PRMT9: variants seen among roughly 807,000 people sequenced by gnomAD.
PRMT9 encodes protein arginine N-methyltransferase 9.
A neutral mutation model predicts 83.2 loss-of-function variants in PRMT9; 59 were observed. The ratio of observed to expected loss-of-function variants is 0.71; its 90% CI spans 0.57 to 0.88. The LOEUF is 0.88. Ranked by LOEUF, PRMT9 falls within the 40% of genes least tolerant of loss-of-function variation. The pLI, the probability that PRMT9 is intolerant of heterozygous loss-of-function variation, is 0.00. For missense variants in PRMT9, 947 were observed against 1,021.9 expected, an observed-to-expected ratio of 0.93 and a Z score of 1.00; for synonymous variants, 333 against 353.2, an observed-to-expected ratio of 0.94 and a Z score of 0.64.
Position 147,684,103 on chromosome 4 carries a change from T to C in PRMT9, c.-116A>G, listed in dbSNP as rs116658976. The C allele has an allele frequency of 1.4e-3, 1,723 of 1,206,482 alleles. 14 individuals are homozygous for C. The African/African-American group carries it at 0.022, about 16-fold the overall frequency. The allele number at this position is 1,206,482 out of a possible 1,614,324, so 74.7% of individuals were successfully genotyped here. A position where few individuals can be genotyped will look rare whatever the true frequency, so the allele number is the denominator to read the frequency against. On this transcript the variant is annotated 5_prime_UTR_variant, in exon 1 of 12. Coordinates refer to ENST00000322396, the MANE Select transcript of PRMT9 (RefSeq NM_138364.4). ...CTGCTCAAAAAACAGCACAGCAAAG[T>C]TACCCTCCGCCGCGGGTGAACTCGC...
At chr4:147,673,355 A>G (rs1368865634) in intron 3 of PRMT9, among the ~76,000 whole-genome samples, 1 of 152,218 alleles carries the variant, frequency 6.6e-6, no homozygotes, top group Non-Finnish European at 1.5e-5. Flanking sequence ...TCTTTAATGA[A>G]TACTAATGGG....
intron 2 of PRMT9, 98 bp from the exon 3 acceptor site, chr4:147,673,972 G>A: frequency 1.0e-6 from 1 of 973,942 alleles, no homozygotes; most frequent in South Asian, 1.3e-5. Flanking sequence ...GGAATTCCAT[G>A]CCAGCACCCC....
intron 11 of PRMT9, 88 bp from the exon 12 acceptor site, chr4:147,638,835 T>G (rs1733184662): frequency 2.9e-6 from 4 of 1,367,368 alleles, no homozygotes; most frequent in Non-Finnish European, 3.1e-6. Flanking sequence ...AATACAAAAA[T>G]TTAAAATACA....
chr4:147,670,161 T>C (rs1294667139), intron 5 of PRMT9, among the ~76,000 whole-genome samples: 1 of 59,794 alleles, frequency 1.7e-5, no homozygotes, highest in Non-Finnish European at 3.1e-5. Context: ...GTAAATGTTT[T>C]TATGTTGTTT....
chr4:147,647,040 C>G (rs1001161559), intron 9 of PRMT9, among the ~76,000 whole-genome samples: 3 of 152,180 alleles, frequency 2.0e-5, no homozygotes, highest in African/African-American at 7.2e-5. Context: ...AATGAACCCC[C>G]TCCTTGTTCA....
chr4:147,678,874 A>G (rs1736271049), intron 2 of PRMT9, among the ~76,000 whole-genome samples: 1 of 152,164 alleles, frequency 6.6e-6, no homozygotes. Context: ...TTTCCTTTAC[A>G]CTTTGCCCCA....
At chr4:147,673,980 C>G in intron 2 of PRMT9, 106 bp from the exon 3 acceptor site, 1 of 907,026 alleles carries the variant, frequency 1.1e-6, no homozygotes, top group Non-Finnish European at 1.8e-6. Flanking sequence ...ATGCCAGCAC[C>G]CCAAATCCTG....
intron 2 of PRMT9, 140 bp from the exon 3 acceptor site, chr4:147,674,014 G>C: frequency 1.4e-6 from 1 of 711,898 alleles, no homozygotes; most frequent in Admixed American, 2.1e-5. Context: ...TACCTCTTTT[G>C]GGAAGCTGTC....
chr4:147,670,817 G>C (rs1439259762), intron 4 of PRMT9, 74 bp from the exon 5 acceptor site: 1 of 924,022 alleles, frequency 1.1e-6, no homozygotes, highest in African/African-American at 1.6e-5. Flanking sequence ...AAGCTGAGAG[G>C]AGAAAGGAAG....
chr4:147,638,637 T>C lies in PRMT9; in HGVS notation c.2433A>G (p.Gln811=), dbSNP rs1225637869. The stretch of plus-strand genomic sequence containing the variant: ...TGGGATTATCTAAAACAACTGCAGC[T>C]TGTTTCCAGTGGGAGGCTTCACTTG... ...DTSSEASHWK[Q]AAVVLDNPIQ... Residue 811 remains glutamine (Q), a synonymous_variant, in exon 12 of 12, where the codon CAA becomes CAG. Coordinates refer to ENST00000322396, the MANE Select transcript of PRMT9 (RefSeq NM_138364.4). 6.2e-7 allele frequency: 1 copy of C among 1,613,836 alleles called. No homozygotes were observed. Among genetic ancestry groups the C allele is most frequent in the East Asian group, 2.2e-5 (1 of 44,844 alleles).
In PRMT9 at chr4:147,665,712, G is replaced by A. The variant is rs548951009; in HGVS notation, c.953+2827C>T. The stretch of plus-strand genomic sequence containing the variant: ...TTCTAGGTATGCTCACTGCTCCTAA[G>A]ATTATGCCTTGTCTTTCTCACTTAA... On this transcript the variant is annotated intron_variant, in intron 6 of 11. Transcript: ENST00000322396. Among the ~76,000 whole-genome samples the A allele has an allele frequency of 1.1e-4, 16 of 152,294 alleles. No homozygotes were observed. The East Asian group carries it at 2.9e-3, about 28-fold the overall frequency.
intron 10 of PRMT9, among the ~76,000 whole-genome samples, chr4:147,640,292 C>T (rs1279002247): frequency 1.3e-5 from 2 of 151,776 alleles, no homozygotes; most frequent in Non-Finnish European, 2.9e-5. Context: ...AGGTTGGTCT[C>T]GAACTCCTGG....
Position 147,660,880 on chromosome 4 carries a change from A to G in PRMT9, c.1112T>C (p.Phe371Ser). ...GTTGAAATCTACTGTCATAATTTCA[A>G]AGCACTCTGTCAAAGCCAAATATCC... The part of the protein sequence containing the change: ...PGGYLALTEC[F>S]EIMTVDFNNL... Residue 371 changes from phenylalanine to serine, a missense_variant, in exon 7 of 12, where the codon TTT (phenylalanine) becomes TCT (serine). Physicochemically the swap from Phe to Ser is radical, Grantham distance 155. Coordinates refer to ENST00000322396, the MANE Select transcript of PRMT9 (RefSeq NM_138364.4). 1 of 1,613,814 alleles carries G rather than the reference A, an allele frequency of 6.2e-7. No individual in the cohort carries two copies. The highest frequency in any genetic ancestry group is 1.1e-5 in the South Asian group (1 of 91,066).
chr4:147,639,870 T>C (rs1733264133), intron 10 of PRMT9, among the ~76,000 whole-genome samples: 1 of 152,030 alleles, frequency 6.6e-6, no homozygotes, highest in African/African-American at 2.4e-5. Context: ...CCATAAAAAC[T>C]CAACAGTAAC....
At chr4:147,681,721 A>G (rs1002544829) in intron 1 of PRMT9, among the ~76,000 whole-genome samples, 1 of 150,588 alleles carries the variant, frequency 6.6e-6, no homozygotes, top group Non-Finnish European at 1.5e-5. Context: ...CAGGAGGTGG[A>G]GGTTGCAGTG....
intron 10 of PRMT9, among the ~76,000 whole-genome samples, chr4:147,640,545 T>C (rs1733326457): frequency 6.6e-6 from 1 of 152,100 alleles, no homozygotes; most frequent in South Asian, 2.1e-4. Flanking sequence ...CAAATTTAAA[T>C]CTTCAGCCCA....
At chr4:147,664,004 G>A (rs975970208) in intron 6 of PRMT9, among the ~76,000 whole-genome samples, 2 of 152,122 alleles carry the variant, frequency 1.3e-5, no homozygotes, top group Non-Finnish European at 2.9e-5. Context: ...TTCTGTATTT[G>A]TCAACTGAAT....
intron 9 of PRMT9, among the ~76,000 whole-genome samples, chr4:147,647,280 T>C (rs1560970233): frequency 1.3e-5 from 2 of 152,158 alleles, no homozygotes; most frequent in African/African-American, 2.4e-5. Context: ...AAACCTAAGA[T>C]TGGTCTTTGA....
At chr4:147,678,200 A>T (rs1736222290) in intron 2 of PRMT9, among the ~76,000 whole-genome samples, 1 of 152,246 alleles carries the variant, frequency 6.6e-6, no homozygotes, top group African/African-American at 2.4e-5. Context: ...GTGGTCACTT[A>T]GGAATTTTGT....
Sources: gnomAD v4.1 joint callset for allele counts (sites outside exome capture counted in the v4.1 genomes callset) on GRCh38, gnomAD v4.1.1 for gene constraint, MANE v1.5 for transcripts, NCBI Gene and HGNC (gene_info 2026-07-23, HGNC 2026-07-21) for gene names.